KPNB1: variants seen among roughly 807,000 people sequenced by gnomAD.
KPNB1 encodes the protein karyopherin subunit beta 1.
A neutral mutation model predicts 113.0 loss-of-function variants in KPNB1; 7 were observed. That is an observed-to-expected ratio of 0.06 (90% CI 0.04 to 0.12). KPNB1 has a LOEUF of 0.12. Among genes scored for constraint, KPNB1 ranks in the 10% least tolerant of loss-of-function variants. KPNB1 has a pLI of 1.00. For missense variants in KPNB1, 400 were observed against 1,054.8 expected (o/e 0.38, Z 8.60); for synonymous variants, 363 against 378.6 (o/e 0.96, Z 0.48).
At chr17:47,674,517 A>G in intron 14 of KPNB1, 121 bp from the exon 15 acceptor site, 2 of 894,770 alleles carry the variant, frequency 2.2e-6, no homozygotes, top group South Asian at 1.7e-5. Flanking sequence ...TATAAAATAC[A>G]TTTGGCATTC....
In KPNB1 at chr17:47,675,361, G is replaced by GTTTTTTTTTT. The variant is rs1166648701; in HGVS notation, c.1912+580_1912+589dup. On this transcript the variant is annotated intron_variant, in intron 15 of 21. Coordinates refer to ENST00000290158, the MANE Select transcript of KPNB1 (RefSeq NM_002265.6). ...TGCAACGGAGATTGGCAGAGGTGTT[G>GTTTTTTTTTT]TTTTTTTTTTGTTTTTTTTTTTTGT... 5.0e-3 allele frequency among the ~76,000 whole-genome samples: 441 copies of GTTTTTTTTTT among 88,556 alleles called. 68 individuals are homozygous for GTTTTTTTTTT. The highest frequency in any genetic ancestry group is 6.7e-3 in the Non-Finnish European group (288 of 43,240). 58.1% of individuals were successfully genotyped at this position (88,556 alleles called of 152,430 possible).
intron 3 of KPNB1, 61 bp downstream of exon 3, chr17:47,652,937 T>C: frequency 7.5e-7 from 1 of 1,335,464 alleles, no homozygotes; most frequent in Non-Finnish European, 1.0e-6. Context: ...CTTTCTCAGA[T>C]CTTTTGCTAT....
intron 19 of KPNB1, 26 bp downstream of exon 19, chr17:47,678,439 C>T (rs778369271): frequency 1.7e-5 from 26 of 1,537,134 alleles, no homozygotes; most frequent in East Asian, 2.2e-5. Flanking sequence ...CAGTTCCCTT[C>T]GTCCGCTCGC....
intron 9 of KPNB1, among the ~76,000 whole-genome samples, chr17:47,666,242 G>A (rs1278565882): frequency 2.0e-5 from 3 of 151,588 alleles, no homozygotes; most frequent in African/African-American, 2.4e-5. Flanking sequence ...CAGTAGAAGC[G>A]GGGTTTTGCC....
At position 47,682,867 on chromosome 17, in the gene KPNB1, GC is replaced by G. The variant is rs2030825612; in HGVS notation, c.*466del. 1 of 185,232 alleles carries G rather than the reference GC, an allele frequency of 5.4e-6. No homozygotes were observed. The highest frequency in any genetic ancestry group is 1.1e-5 in the Non-Finnish European group (1 of 87,076). The allele number at this position is 185,232 out of a possible 1,614,324, so 11.5% of individuals were successfully genotyped here. A position where few individuals can be genotyped will look rare whatever the true frequency, so the allele number is the denominator to read the frequency against. ...GAGAAAGATGGAGCCTGGGTCTCAA[GC>G]CCACCTTCGCTGTACCTTTGCCACA... On this transcript the variant is annotated 3_prime_UTR_variant, in exon 22 of 22. Coordinates refer to ENST00000290158, the MANE Select transcript of KPNB1 (RefSeq NM_002265.6).
At chr17:47,652,653 C>T (rs763553213) in intron 2 of KPNB1, 41 bp from the exon 3 acceptor site, 2 of 1,463,576 alleles carry the variant, frequency 1.4e-6, no homozygotes, top group South Asian at 1.4e-5. Context: ...TGTGGAAATT[C>T]CTAAGATATT....
intron 5 of KPNB1, 97 bp from the exon 6 acceptor site, chr17:47,661,022 G>T (rs1354280928): frequency 7.8e-6 from 7 of 896,964 alleles, no homozygotes; most frequent in South Asian, 4.1e-5. Context: ...GGGGCCCTGA[G>T]GGGGAGTGAG....
intron 2 of KPNB1, chr17:47,651,453 A>G: frequency 1.6e-6 from 1 of 619,722 alleles, no homozygotes. Context: ...CAACATCAAC[A>G]AAGTGACAAG....
At chr17:47,650,829 G>C (rs1402662777) in intron 2 of KPNB1, among the ~76,000 whole-genome samples, 2 of 152,168 alleles carry the variant, frequency 1.3e-5, no homozygotes, top group Non-Finnish European at 2.9e-5. Context: ...CTCCGGGCCC[G>C]GCCGCCCGCC....
chr17:47,663,670 A>G (rs1283087506), intron 7 of KPNB1, among the ~76,000 whole-genome samples: 6 of 151,648 alleles, frequency 4.0e-5, no homozygotes, highest in Non-Finnish European at 8.8e-5. Context: ...TCTCAAAAAG[A>G]AAAAAGAAAC....
At chr17:47,677,439 T>C (rs1463136174) in intron 17 of KPNB1, among the ~76,000 whole-genome samples, 1 of 124,236 alleles carries the variant, frequency 8.0e-6, no homozygotes, top group African/African-American at 3.2e-5. Context: ...GCCATTGCAC[T>C]CCAGCCTGGG....
intron 12 of KPNB1, among the ~76,000 whole-genome samples, chr17:47,672,679 C>T (rs116705104): frequency 3.3e-3 from 499 of 152,224 alleles, no homozygotes; most frequent in African/African-American, 0.012. Context: ...TGAGCCATCA[C>T]GTCTAGCCAG....
rs1481484166 is a variant in KPNB1 at position 47,678,313 on chromosome 17, C to T, written c.2253C>T (p.Asp751=). The change falls in exon 19 of 22, where the codon GAC becomes GAT. Residue 751 remains aspartate, a synonymous_variant. Transcript: ENST00000290158. ...CTGTTCTTTGTGTCTTACAGTCAGA[C>T]TATGACATGGTGGATTATCTGAATG... The part of the protein sequence containing the change: ...QASQAQVDKS[D]YDMVDYLNEL... The T allele has an allele frequency of 3.7e-6, 6 of 1,613,382 alleles. No individual in the cohort carries two copies. The highest frequency in any genetic ancestry group is 4.2e-6 in the Non-Finnish European group (5 of 1,179,416).
At chr17:47,659,346 CAAAAAAAATAAAAAAT>C (rs945457385) in intron 5 of KPNB1, among the ~76,000 whole-genome samples, 33 of 150,254 alleles carry the variant, frequency 2.2e-4, no homozygotes, top group South Asian at 6.3e-4. Flanking sequence ...AAGACTGTCT[CAAAAAAAATAAAAAAT>C]AAAAAAAATA....
At position 47,670,708 on chromosome 17, in the gene KPNB1, T is replaced by A. The variant is rs748391875; in HGVS notation, c.1423T>A (p.Ser475Thr). Residue 475 changes from serine (S) to threonine (T), a missense_variant, in exon 12 of 22, where the codon TCC (serine) becomes ACC (threonine). Around this residue, in one of 2 missense-constraint regions of KPNB1, gnomAD observed 285 missense variants for 627.0 expected, o/e 0.45. Transcript: ENST00000290158. ...GAACCTATGTGCATTTCAGGCTTTC[T>A]CCAGTCTGGCTGAAGCTGCTTATGA... ...RVASNVCWAF[S>T]SLAEAAYEAA... 1.9e-6 allele frequency: 3 copies of A among 1,609,846 alleles called. No individual in the cohort carries two copies. Among genetic ancestry groups the A allele is most frequent in the Non-Finnish European group, 2.5e-6 (3 of 1,176,530 alleles).
chr17:47,653,237 T>C (rs577056776), intron 3 of KPNB1, among the ~76,000 whole-genome samples: 3 of 152,062 alleles, frequency 2.0e-5, no homozygotes, highest in Non-Finnish European at 4.4e-5. Context: ...CTCCAGAAAT[T>C]CCGATTCGGT....
chr17:47,674,626 C>A lies in KPNB1; in HGVS notation c.1768-12C>A, dbSNP rs540604915. On this transcript the variant is annotated splice_polypyrimidine_tract_variant and intron_variant, in intron 14 of 21. Coordinates refer to ENST00000290158, the MANE Select transcript of KPNB1 (RefSeq NM_002265.6). ...GGAATCAACTGATCTTGAACTCTTA[C>A]TCATTTCACAGAATGTTCTTCGGAA... is the stretch of plus-strand genomic sequence containing the variant. 2 of 1,610,886 alleles carry A rather than the reference C, an allele frequency of 1.2e-6. No individual in the cohort carries two copies. Among genetic ancestry groups the A allele is most frequent in the Admixed American group, 1.7e-5 (1 of 59,530 alleles).
At chr17:47,664,120 C>A (rs2030194512) in intron 7 of KPNB1, 39 bp from the exon 8 acceptor site, 4 of 1,332,156 alleles carry the variant, frequency 3.0e-6, no homozygotes, top group Non-Finnish European at 4.3e-6. Flanking sequence ...TCACTTGAAT[C>A]AGTACTTATT....
chr17:47,664,745 T>C (rs1345928224), intron 8 of KPNB1, among the ~76,000 whole-genome samples: 1 of 152,206 alleles, frequency 6.6e-6, no homozygotes, highest in African/African-American at 2.4e-5. Context: ...TAAAAAGGTT[T>C]TTTTTGGCAT....
Sources: allele counts gnomAD v4.1 joint callset (sites outside exome capture counted in the v4.1 genomes callset), GRCh38; gene constraint gnomAD v4.1.1; regional missense constraint gnomAD v4.1.1; transcripts MANE v1.5; gene names NCBI Gene and HGNC (gene_info 2026-07-23, HGNC 2026-07-21).